The following MCF2L variants were observed in gnomAD, a reference collection of about 807,000 sequenced individuals.
MCF2L encodes guanine nucleotide exchange factor DBS.
MCF2L carries 97 observed loss-of-function variants against 153.4 expected under a neutral mutation model. The observed-to-expected ratio is 0.63, with a 90% CI of 0.54 to 0.75. The LOEUF (loss-of-function observed/expected upper bound fraction) is 0.75. Ranked by LOEUF, MCF2L falls within the 30% of genes least tolerant of loss-of-function variation. The probability of loss-of-function intolerance (pLI) is 0.00; values close to 1 mark genes in which losing one functional copy is unlikely to be tolerated. For missense variants in MCF2L, 1,347 were observed against 1,495.2 expected, an observed-to-expected ratio of 0.90 and a Z score of 1.64; for synonymous variants, 659 against 632.2, an observed-to-expected ratio of 1.04 and a Z score of -0.64.
intron 2 of MCF2L, among the ~76,000 whole-genome samples, chr13:112,911,457 G>T (rs2081231363): frequency 6.6e-6 from 1 of 152,234 alleles, no homozygotes; most frequent in Non-Finnish European, 1.5e-5. Flanking sequence ...TTCTCTCCCA[G>T]CGTGGCCGCC....
At chr13:112,917,491 G>GGTGACC (rs2140551262) in intron 2 of MCF2L, 1 of 308,556 alleles carries the variant, frequency 3.2e-6, no homozygotes, top group South Asian at 2.9e-5. Context: ...CCCCACCGCC[G>GGTGACC]TCTCGCAGAA....
rs1172952305 is a variant in MCF2L at position 112,960,841 on chromosome 13, C to T, written c.170-53922C>T. The stretch of plus-strand genomic sequence containing the variant: ...TCCTCCCTGCCTGAGCCTCCTGCTG[C>T]CCTGCTGGAAGGACCCTGGGATGAC... On this transcript the variant is annotated intron_variant, in intron 2 of 29. Coordinates refer to the MCF2L transcript ENST00000375608. The surrounding 1 kb of genome is among the most constrained non-coding windows in gnomAD (Gnocchi z 4.2). 6.6e-6 allele frequency among the ~76,000 whole-genome samples: 1 copy of T among 152,084 alleles called. No homozygotes were observed. Among genetic ancestry groups the T allele is most frequent in the Non-Finnish European group, 1.5e-5 (1 of 68,000 alleles).
chr13:112,926,229 G>A (rs917969960), intron 2 of MCF2L, among the ~76,000 whole-genome samples: 2 of 152,018 alleles, frequency 1.3e-5, no homozygotes, highest in Admixed American at 1.3e-4. Flanking sequence ...GTACTGTACG[G>A]CCTAATCTAT....
At chr13:112,921,355 GA>G (rs1417579115) in intron 2 of MCF2L, among the ~76,000 whole-genome samples, 5 of 152,226 alleles carry the variant, frequency 3.3e-5, no homozygotes, top group Non-Finnish European at 5.9e-5. Context: ...GAAGGATAAA[GA>G]CGCCTCCATT....
intron 1 of MCF2L, among the ~76,000 whole-genome samples, chr13:112,900,971 G>A (rs1245362619): frequency 6.6e-6 from 1 of 152,108 alleles, no homozygotes; most frequent in African/African-American, 2.4e-5. Flanking sequence ...CCCAGCAGGG[G>A]CCTCTGAGCA....
chr13:112,931,060 C>G lies in MCF2L; in HGVS notation c.169+28689C>G, dbSNP rs149522534. ...GTTAGAGCCAGGACGCGCCTCTCAC[C>G]TGAGCGGTTCAGCGTGCAGATGACA... On this transcript the variant is annotated intron_variant, in intron 2 of 29. Transcript: ENST00000375608. Among the ~76,000 whole-genome samples, 462 of 152,358 alleles carry G rather than the reference C, an allele frequency of 3.0e-3. 1 individual carries two copies. The highest frequency in any genetic ancestry group is 0.011 in the African/African-American group (442 of 41,590).
intron 1 of MCF2L, among the ~76,000 whole-genome samples, chr13:112,994,269 C>T (rs1157091177): frequency 6.8e-6 from 1 of 146,664 alleles, no homozygotes; most frequent in East Asian, 2.0e-4. Flanking sequence ...CAGGGGCTGG[C>T]GTGGCTGTCG....
rs1391904949 is a variant in MCF2L at position 112,960,419 on chromosome 13, G to A, written c.170-54344G>A. Among the ~76,000 whole-genome samples, 2 of 152,178 alleles carry A rather than the reference G, an allele frequency of 1.3e-5. No homozygotes were observed. Among genetic ancestry groups the A allele is most frequent in the African/African-American group, 4.8e-5 (2 of 41,442 alleles). Reference sequence around the variant, plus strand: ...ATTGGGGGTGAGGTTTCCCACACACGACCTTTGGGGGACACATTAAACCCC... The same window carrying A: ...ATTGGGGGTGAGGTTTCCCACACACAACCTTTGGGGGACACATTAAACCCC... On this transcript the variant is annotated intron_variant, in intron 2 of 29. Transcript: ENST00000375608. This position sits in a 1 kb window ranked among gnomAD's most constrained non-coding sequence, Gnocchi z 4.2.
In MCF2L at chr13:112,993,052, G is replaced by A. The variant is rs909359540; in HGVS notation, c.80-21711G>A. ...TGGGCCATGGGGGTGAGGAGAGAGCGGCTCGCTGCCTTGAGAAGCTCCCGC... is the reference window on the plus strand; with the variant it reads ...TGGGCCATGGGGGTGAGGAGAGAGCAGCTCGCTGCCTTGAGAAGCTCCCGC... On this transcript the variant is annotated intron_variant, in intron 1 of 29. Transcript: ENST00000535094. This position sits in a 1 kb window ranked among gnomAD's most constrained non-coding sequence, Gnocchi z 4.6. Among the ~76,000 whole-genome samples the A allele has an allele frequency of 1.3e-5, 2 of 152,226 alleles. No homozygotes were observed. Among genetic ancestry groups the A allele is most frequent in the African/African-American group, 4.8e-5 (2 of 41,470 alleles).
At chr13:113,066,722 C>G (rs1444214643) in intron 8 of MCF2L, among the ~76,000 whole-genome samples, 3 of 151,848 alleles carry the variant, frequency 2.0e-5, no homozygotes, top group Non-Finnish European at 4.4e-5. Flanking sequence ...CCGAGCCTCC[C>G]CCCGTCCCAT....
At chr13:112,966,170 CG>C (rs2081891354), upstream of MCF2L, 1 of 152,220 alleles carries the variant, frequency 6.6e-6, no homozygotes, top group Non-Finnish European at 1.5e-5. This position sits in a 1 kb window ranked among gnomAD's most constrained non-coding sequence, Gnocchi z 4.1. Context: ...TGGTGACAAT[CG>C]TTCTTTAGGC....
At chr13:113,003,383 C>A (rs2083493199) in intron 1 of MCF2L, among the ~76,000 whole-genome samples, 1 of 150,588 alleles carries the variant, frequency 6.6e-6, no homozygotes. Flanking sequence ...AGGTGACCCC[C>A]TGGGTTATGG....
At position 113,097,104 on chromosome 13, in the gene MCF2L, A is replaced by C; in HGVS notation, c.*245A>C. The C allele has an allele frequency of 2.9e-6, 1 of 343,706 alleles. No homozygotes were observed. Among genetic ancestry groups the C allele is most frequent in the Non-Finnish European group, 5.2e-6 (1 of 191,318 alleles). 21.3% of individuals were successfully genotyped at this position (343,706 alleles called of 1,614,324 possible). ...GCCGCAGGGAACAGCCCCGGGCGGC[A>C]GGCGCCGGGCAGCGGCATCTCGTCC... On this transcript the variant is annotated 3_prime_UTR_variant, in exon 30 of 30. Coordinates refer to ENST00000535094, the MANE Select transcript of MCF2L (RefSeq NM_001112732.3).
In MCF2L at chr13:113,030,315, TG is replaced by T. The variant is rs1335533002; in HGVS notation, c.278+5559del. Reference sequence around the variant, plus strand: ...CTCGGGTGTCCGCCGACGCCCGGTGTGGACCCTCAGGTGTCTGCCGACGCCC... The same window carrying T: ...CTCGGGTGTCCGCCGACGCCCGGTGTGACCCTCAGGTGTCTGCCGACGCCC... On this transcript the variant is annotated intron_variant, in intron 3 of 29. Transcript: ENST00000535094. 1.1e-3 allele frequency among the ~76,000 whole-genome samples: 148 copies of T among 130,806 alleles called. 2 individuals carry two copies. The highest frequency in any genetic ancestry group is 4.2e-3 in the African/African-American group (138 of 33,162). 85.8% of individuals were successfully genotyped at this position (130,806 alleles called of 152,430 possible). A position where few individuals can be genotyped will look rare whatever the true frequency, so the allele number is the denominator to read the frequency against.
chr13:113,072,456 C>T (rs1202241994), intron 9 of MCF2L, among the ~76,000 whole-genome samples: 1 of 152,200 alleles, frequency 6.6e-6, no homozygotes, highest in Non-Finnish European at 1.5e-5. Context: ...TAGTTTTTCA[C>T]TGTCAGGTGT....
chr13:112,929,443 T>C (rs1035459091), intron 2 of MCF2L, among the ~76,000 whole-genome samples: 15 of 152,234 alleles, frequency 9.9e-5, no homozygotes, highest in Non-Finnish European at 1.5e-4. Context: ...GCCATTTATC[T>C]TTTATCGGGA....
chr13:112,939,797 A>G (rs1272962575), intron 2 of MCF2L, among the ~76,000 whole-genome samples: 6 of 152,060 alleles, frequency 3.9e-5, no homozygotes, highest in Non-Finnish European at 8.8e-5. Context: ...GGCCAACATG[A>G]TGAAACCTCA....
upstream of MCF2L, chr13:112,969,182 C>A: frequency 3.9e-6 from 3 of 767,994 alleles, no homozygotes; most frequent in East Asian, 5.4e-5. This position sits in a 1 kb window ranked among gnomAD's most constrained non-coding sequence, Gnocchi z 4.8. Flanking sequence ...CCCCGCCCCC[C>A]GCGGCGCAGC....
chr13:113,037,820 C>T (rs2086243326), intron 3 of MCF2L, among the ~76,000 whole-genome samples: 1 of 152,048 alleles, frequency 6.6e-6, no homozygotes, highest in Admixed American at 6.6e-5. Flanking sequence ...CTTGGAGGTA[C>T]CAGGCAGACA....
Sources: allele counts gnomAD v4.1 joint callset (sites outside exome capture counted in the v4.1 genomes callset), GRCh38; gene constraint gnomAD v4.1.1; non-coding constraint Gnocchi (gnomAD v3.1); transcripts MANE v1.5; gene names NCBI Gene and HGNC (gene_info 2026-07-23, HGNC 2026-07-21).